KCNQ5: variants seen among roughly 807,000 people sequenced by gnomAD.
The protein encoded by KCNQ5 is potassium voltage-gated channel subfamily Q member 5, also known as potassium voltage-gated channel subfamily KQT member 5.
Under a neutral mutation model 98.2 loss-of-function variants are expected in KCNQ5, and 30 were observed. That is an observed-to-expected ratio of 0.31 (90% CI 0.23 to 0.41). KCNQ5 has a LOEUF of 0.41. KCNQ5 is among the 10% of genes least tolerant of loss of function. The pLI is 1.00. For missense variants in KCNQ5, 835 were observed against 1,182.5 expected (o/e 0.71, Z 4.31); for synonymous variants, 458 against 449.4 (o/e 1.02, Z -0.24).
chr6:73,118,064 C>A (rs928228626), intron 7 of KCNQ5, among the ~76,000 whole-genome samples: 3 of 152,120 alleles, frequency 2.0e-5, no homozygotes, highest in Non-Finnish European at 2.9e-5. Flanking sequence ...ATGTCACTTT[C>A]TGAAATTTCA....
chr6:73,061,512 A>T (rs1191705676), intron 3 of KCNQ5, among the ~76,000 whole-genome samples: 2 of 152,130 alleles, frequency 1.3e-5, no homozygotes, highest in African/African-American at 4.8e-5. Flanking sequence ...AGTTGTTCCG[A>T]ATCTACTCAC....
intron 1 of KCNQ5, among the ~76,000 whole-genome samples, chr6:72,668,083 G>T (rs1369070156): frequency 2.0e-5 from 3 of 152,120 alleles, no homozygotes; most frequent in African/African-American, 7.2e-5. Context: ...TAATTCCTTG[G>T]TTTTGATAAA....
intron 1 of KCNQ5, among the ~76,000 whole-genome samples, chr6:72,810,099 T>A (rs1224390910): frequency 6.6e-6 from 1 of 152,242 alleles, no homozygotes; most frequent in Non-Finnish European, 1.5e-5. Context: ...GCTAACATGT[T>A]ATTAAACCAT....
intron 1 of KCNQ5, among the ~76,000 whole-genome samples, chr6:72,643,436 G>C (rs1198659375): frequency 6.6e-6 from 1 of 152,060 alleles, no homozygotes; most frequent in African/African-American, 2.4e-5. Context: ...CTGCTGTTCA[G>C]CCACATTAAA....
At chr6:73,153,103 C>A (rs1454470196) in intron 10 of KCNQ5, among the ~76,000 whole-genome samples, 1 of 152,118 alleles carries the variant, frequency 6.6e-6, no homozygotes, top group Non-Finnish European at 1.5e-5. Flanking sequence ...TAGTTATCCC[C>A]TCTTTATGCT....
chr6:72,877,934 CA>C (rs796109286), intron 1 of KCNQ5, among the ~76,000 whole-genome samples: 35 of 152,270 alleles, frequency 2.3e-4, no homozygotes, highest in African/African-American at 8.2e-4. Context: ...AAATAAAATA[CA>C]ATACAGTTAA....
chr6:73,041,799 GAA>G, intron 2 of KCNQ5, 135 bp from the exon 3 acceptor site: 1 of 937,240 alleles, frequency 1.1e-6, no homozygotes, highest in Non-Finnish European at 1.7e-6. Context: ...CTGGAGAAAG[GAA>G]ATGTTCTTAA....
intron 11 of KCNQ5, among the ~76,000 whole-genome samples, chr6:73,183,713 G>A (rs952739895): frequency 3.9e-5 from 6 of 152,170 alleles, no homozygotes; most frequent in African/African-American, 2.4e-5. Context: ...CATGAAAATC[G>A]TGTACTGTCC....
At position 73,195,626 on chromosome 6, in the gene KCNQ5, G is replaced by A; in HGVS notation, c.*212G>A. On this transcript the variant is annotated 3_prime_UTR_variant, in exon 14 of 14. Transcript: ENST00000370398. Reference sequence around the variant, plus strand: ...GCATCGACATTAACCCACTCATTTAGTAATGTACCTTGAGTTAAAAAGCCT... The same window carrying A: ...GCATCGACATTAACCCACTCATTTAATAATGTACCTTGAGTTAAAAAGCCT... 8.6e-6 allele frequency: 5 copies of A among 580,528 alleles called. No individual in the cohort carries two copies. The South Asian group carries it at 1.0e-4, about 12-fold the overall frequency. 36.0% of individuals were successfully genotyped at this position (580,528 alleles called of 1,614,324 possible).
At chr6:73,071,439 C>A (rs1194962933) in intron 3 of KCNQ5, among the ~76,000 whole-genome samples, 2 of 152,120 alleles carry the variant, frequency 1.3e-5, no homozygotes, top group Non-Finnish European at 2.9e-5. Context: ...CCTAAAAATT[C>A]ATTAATAAGT....
intron 1 of KCNQ5, among the ~76,000 whole-genome samples, chr6:72,682,289 G>T (rs1767748714): frequency 6.6e-6 from 1 of 152,138 alleles, no homozygotes; most frequent in Non-Finnish European, 1.5e-5. Context: ...AATATCTATT[G>T]TATCACAACC....
chr6:73,000,043 A>T (rs188989848), intron 1 of KCNQ5, among the ~76,000 whole-genome samples: 167 of 152,182 alleles, frequency 1.1e-3, no homozygotes, highest in African/African-American at 4.0e-3. Context: ...CTACATTAGG[A>T]TAGCCTGAGC....
At chr6:72,861,535 G>A (rs922723316) in intron 1 of KCNQ5, among the ~76,000 whole-genome samples, 1 of 152,170 alleles carries the variant, frequency 6.6e-6, no homozygotes, top group African/African-American at 2.4e-5. Context: ...TGGAAATTCA[G>A]TTCAGATTCC....
At chr6:73,165,384 G>C (rs1477822549) in intron 10 of KCNQ5, among the ~76,000 whole-genome samples, 2 of 152,134 alleles carry the variant, frequency 1.3e-5, no homozygotes, top group Non-Finnish European at 2.9e-5. Context: ...GGTGGCTTCA[G>C]TTTTGTCAGC....
chr6:72,982,754 T>C (rs548763752), intron 1 of KCNQ5, among the ~76,000 whole-genome samples: 6 of 152,288 alleles, frequency 3.9e-5, no homozygotes, highest in Non-Finnish European at 8.8e-5. Flanking sequence ...GTTGATGCAG[T>C]TTCTTCCTAG....
chr6:72,660,982 T>C (rs1766492738), intron 1 of KCNQ5, among the ~76,000 whole-genome samples: 1 of 152,126 alleles, frequency 6.6e-6, no homozygotes, highest in Non-Finnish European at 1.5e-5. Context: ...CGTGTGTAGG[T>C]GACAAAATTT....
Position 73,133,522 on chromosome 6 carries a change from C to A in KCNQ5, c.1349C>A (p.Thr450Asn), listed in dbSNP as rs1312622043. The change falls in exon 10 of 14, where the codon ACC becomes AAC. Residue 450 changes from threonine to asparagine, a missense_variant. Physicochemically the swap from Thr to Asn is moderately conservative, Grantham distance 65. This residue lies in a region of KCNQ5 where 146 missense variants were observed against 256.7 expected (regional missense o/e 0.57). Transcript: ENST00000370398. ...ASVGDRRSPS[T>N]DITAEGSPTK... ...GTAGGTGACAGGAGGTCCCCAAGCACCGACATCACAGCCGAGGGCAGTCCC... is the reference window on the plus strand; with the variant it reads ...GTAGGTGACAGGAGGTCCCCAAGCAACGACATCACAGCCGAGGGCAGTCCC... The A allele has an allele frequency of 6.2e-7, 1 of 1,614,064 alleles. No individual in the cohort carries two copies. Among genetic ancestry groups the A allele is most frequent in the African/African-American group, 1.3e-5 (1 of 74,918 alleles).
intron 5 of KCNQ5, among the ~76,000 whole-genome samples, chr6:73,078,998 G>T (rs189669647): frequency 5.7e-4 from 87 of 152,204 alleles, no homozygotes; most frequent in African/African-American, 2.0e-3. Flanking sequence ...ATTCCAAAGG[G>T]GAGTTATATG....
Position 72,635,030 on chromosome 6 carries a change from C to A in KCNQ5, c.398+12443C>A, listed in dbSNP as rs1478065335. ...TATCTGAATAATAATTTGTTCCCCT[C>A]ACCCTTTTTTTTTTTTTTGAGACAG... On this transcript the variant is annotated intron_variant, in intron 1 of 13. Coordinates refer to ENST00000370398, the MANE Select transcript of KCNQ5 (RefSeq NM_019842.4). 7.3e-5 allele frequency among the ~76,000 whole-genome samples: 11 copies of A among 150,488 alleles called. 1 individual carries two copies. Among genetic ancestry groups the A allele is most frequent in the Admixed American group, 7.3e-4 (11 of 15,082 alleles).
Sources: allele counts gnomAD v4.1 joint callset (sites outside exome capture counted in the v4.1 genomes callset), GRCh38; gene constraint gnomAD v4.1.1; regional missense constraint gnomAD v4.1.1; transcripts MANE v1.5; gene names NCBI Gene and HGNC (gene_info 2026-07-23, HGNC 2026-07-21).